LY75: variants seen among roughly 807,000 people sequenced by gnomAD.
LY75 encodes C-type lectin domain family 13 member B.
In LY75, 185 loss-of-function variants were observed where a neutral mutation model predicts 231.7. That is an observed-to-expected ratio of 0.80 (90% CI 0.71 to 0.90). The LOEUF is 0.90. LY75 is among the 40% of genes least tolerant of loss of function. The pLI, the probability that LY75 is intolerant of heterozygous loss-of-function variation, is 0.00. For synonymous variants in LY75, 668 were observed against 689.0 expected (o/e 0.97, Z 0.48); for missense variants, 1,947 against 2,050.2 (o/e 0.95, Z 0.97).
chr2:159,844,061 C>T (rs544817336), intron 23 of LY75, among the ~76,000 whole-genome samples: 1 of 152,040 alleles, frequency 6.6e-6, no homozygotes, highest in African/African-American at 2.4e-5. Flanking sequence ...CAAGCTGAGT[C>T]AGAATTTCAG....
At chr2:159,870,012 T>C (rs1684962338) in intron 13 of LY75, among the ~76,000 whole-genome samples, 1 of 152,168 alleles carries the variant, frequency 6.6e-6, no homozygotes. Context: ...CACTGGACAA[T>C]GATGTCTAGA....
chr2:159,821,731 G>T (rs1340897376), intron 28 of LY75, among the ~76,000 whole-genome samples: 1 of 152,114 alleles, frequency 6.6e-6, no homozygotes, highest in Non-Finnish European at 1.5e-5. Context: ...AAACACTTTT[G>T]TGATGGATTG....
chr2:159,819,841 C>T lies in LY75; in HGVS notation c.4038G>A (p.Glu1346=). ...WRAGRPTIKN[E]KFLAGLSTDG... is the part of the protein sequence containing the mutation. ...CAGTACTTAAACCAGCCAAAAACTT[C>T]TCATTTTTTATAGTTGGTCTTCCTG... Residue 1346 remains glutamate, a synonymous_variant, in exon 29 of 35, where the codon GAG becomes GAA. Coordinates refer to ENST00000263636, the MANE Select transcript of LY75 (RefSeq NM_002349.4). 1 of 1,614,092 alleles carries T rather than the reference C, an allele frequency of 6.2e-7. No homozygotes were observed. The highest frequency in any genetic ancestry group is 8.5e-7 in the Non-Finnish European group (1 of 1,179,984).
intron 13 of LY75, chr2:159,871,700 G>A (rs1222234864): frequency 6.6e-6 from 1 of 152,060 alleles, no homozygotes; most frequent in Non-Finnish European, 1.5e-5. Context: ...TGGGTGTGGT[G>A]GCTAATGCCT....
Position 159,894,098 on chromosome 2 carries a change from G to A in LY75, c.467-14C>T, listed in dbSNP as rs368471216. 3 of 1,578,086 alleles carry A rather than the reference G, an allele frequency of 1.9e-6. No individual in the cohort carries two copies. Among genetic ancestry groups the A allele is most frequent in the African/African-American group, 2.7e-5 (2 of 73,032 alleles). On this transcript the variant is annotated splice_polypyrimidine_tract_variant and intron_variant, in intron 2 of 34. Coordinates refer to ENST00000263636, the MANE Select transcript of LY75 (RefSeq NM_002349.4). ...TGGTATAGATCTCTGGGTTGGAGAG[G>A]AAGTTGGGGAAAAGAGAGTTAAAAA...
chr2:159,843,001 A>G (rs893099023), intron 23 of LY75, among the ~76,000 whole-genome samples: 1 of 152,236 alleles, frequency 6.6e-6, no homozygotes, highest in East Asian at 1.9e-4. Flanking sequence ...AAAATGAACT[A>G]AAATAATTAT....
chr2:159,830,547 A>T (rs1376091270), intron 28 of LY75, among the ~76,000 whole-genome samples: 1 of 149,466 alleles, frequency 6.7e-6, no homozygotes, highest in Admixed American at 6.7e-5. Flanking sequence ...AATTCCAAAT[A>T]TTCGAGCCCA....
chr2:159,819,110 G>A (rs1023765887), intron 29 of LY75, among the ~76,000 whole-genome samples: 2 of 152,328 alleles, frequency 1.3e-5, no homozygotes, highest in South Asian at 4.1e-4. Flanking sequence ...CGCTGTAAGT[G>A]AGCCAACTAG....
intron 1 of LY75, among the ~76,000 whole-genome samples, chr2:159,901,144 CCT>C (rs1338527905): frequency 1.3e-5 from 2 of 152,068 alleles, no homozygotes; most frequent in Non-Finnish European, 2.9e-5. Context: ...CAGCCACATC[CCT>C]CACACTTTCT....
chr2:159,842,417 G>C, intron 23 of LY75, 43 bp from the exon 24 acceptor site: 1 of 1,563,768 alleles, frequency 6.4e-7, no homozygotes, highest in African/African-American at 1.4e-5. Flanking sequence ...ATGTAACAAT[G>C]GTCTGAAGCT....
At chr2:159,835,749 T>C in intron 25 of LY75, 104 bp from the exon 26 acceptor site, 1 of 1,387,036 alleles carries the variant, frequency 7.2e-7, no homozygotes, top group East Asian at 2.6e-5. Context: ...TTTTTAATAT[T>C]TAATACACAT....
intron 26 of LY75, 164 bp from the exon 27 acceptor site, chr2:159,834,375 G>T: frequency 2.2e-6 from 1 of 456,396 alleles, no homozygotes; most frequent in Non-Finnish European, 2.9e-6. Flanking sequence ...CAAAAAGCCA[G>T]CTTTCTATAG....
chr2:159,888,232 A>T (rs926462084), intron 4 of LY75, among the ~76,000 whole-genome samples: 11 of 152,204 alleles, frequency 7.2e-5, no homozygotes, highest in Non-Finnish European at 7.4e-5. Flanking sequence ...ATAACAAAAA[A>T]GCTGGGCATG....
At position 159,881,095 on chromosome 2, in the gene LY75, G is replaced by C. The variant is rs1685421600; in HGVS notation, c.1392C>G (p.Ser464=). 4 of 1,613,622 alleles carry C rather than the reference G, an allele frequency of 2.5e-6. No homozygotes were observed. The highest frequency in any genetic ancestry group is 3.4e-6 in the Non-Finnish European group (4 of 1,179,772). ...VPYNKTPNCV[S]YLGELGQWKV... ...GGAGGTTTCGTACCTCTCCTAAGTA[G>C]GAAACACAGTTGGGCGTCTTATTGT... The change falls in exon 8 of 35, where the codon TCC becomes TCG. Residue 464 remains serine (S), a synonymous_variant. Coordinates refer to ENST00000263636, the MANE Select transcript of LY75 (RefSeq NM_002349.4).
chr2:159,822,868 G>C (rs1683340797), intron 28 of LY75, among the ~76,000 whole-genome samples: 1 of 152,176 alleles, frequency 6.6e-6, no homozygotes, highest in East Asian at 1.9e-4. Context: ...CAGACCAGCA[G>C]CAGAGGGGCC....
At chr2:159,813,519 A>C (rs1329540889) in intron 31 of LY75, among the ~76,000 whole-genome samples, 3 of 151,962 alleles carry the variant, frequency 2.0e-5, no homozygotes, top group Non-Finnish European at 2.9e-5. Flanking sequence ...GCTGTATTGG[A>C]GAATCTGTCT....
chr2:159,889,427 C>T (rs1264866416), intron 4 of LY75, among the ~76,000 whole-genome samples: 1 of 151,986 alleles, frequency 6.6e-6, no homozygotes, highest in Non-Finnish European at 1.5e-5. Flanking sequence ...GACGTGGTCT[C>T]ACTTTGCCCA....
At chr2:159,825,934 TA>T (rs1188794764) in intron 28 of LY75, among the ~76,000 whole-genome samples, 2 of 151,792 alleles carry the variant, frequency 1.3e-5, no homozygotes, top group African/African-American at 4.8e-5. Context: ...ACTCTCAAAC[TA>T]GGTATTGATG....
At chr2:159,890,096 T>C in intron 4 of LY75, 117 bp downstream of exon 4, 1 of 1,353,776 alleles carries the variant, frequency 7.4e-7, no homozygotes, top group African/African-American at 1.5e-5. Context: ...GAAGTTTAAA[T>C]CCCAAGAGAG....
Sources: gnomAD v4.1 joint callset for allele counts (sites outside exome capture counted in the v4.1 genomes callset) on GRCh38, gnomAD v4.1.1 for gene constraint, MANE v1.5 for transcripts, NCBI Gene and HGNC (gene_info 2026-07-23, HGNC 2026-07-21) for gene names.